Variants in STAM observed in about 807,000 individuals in gnomAD.
STAM encodes signal transducing adapter molecule 1.
Under a neutral mutation model 63.4 loss-of-function variants are expected in STAM, and 16 were observed. The observed-to-expected ratio is 0.25, with a 90% CI of 0.17 to 0.38. STAM has a LOEUF of 0.38. Ranked by LOEUF, STAM falls within the 10% of genes least tolerant of loss-of-function variation. STAM has a pLI of 1.00. For missense variants in STAM, 636 were observed against 657.1 expected (o/e 0.97, Z 0.35); for synonymous variants, 238 against 223.9 (o/e 1.06, Z -0.56).
At chr10:17,651,866 C>T (rs148090755) in intron 1 of STAM, among the ~76,000 whole-genome samples, 27 of 152,306 alleles carry the variant, frequency 1.8e-4, no homozygotes, top group African/African-American at 5.8e-4. Flanking sequence ...AAATGTGATG[C>T]GAAGTCCTCC....
chr10:17,649,404 A>G (rs997158208), intron 1 of STAM, among the ~76,000 whole-genome samples: 3 of 151,918 alleles, frequency 2.0e-5, no homozygotes, highest in Non-Finnish European at 4.4e-5. Context: ...AAAAAAAAAA[A>G]AAAAAGAATT....
At chr10:17,687,404 A>G (rs1835338149) in intron 4 of STAM, among the ~76,000 whole-genome samples, 1 of 150,480 alleles carries the variant, frequency 6.6e-6, no homozygotes, top group South Asian at 2.1e-4. Flanking sequence ...CGCATCCCCC[A>G]CCCCCCTCTG....
At position 17,714,822 on chromosome 10, in the gene STAM, A is replaced by G; in HGVS notation, c.*42A>G. ...TGGTGGCAGATACCTGCTAAATGCC[A>G]CTGACAATGTTATGAGATTCATTAC... On this transcript the variant is annotated 3_prime_UTR_variant, in exon 14 of 14. Coordinates refer to ENST00000377524, the MANE Select transcript of STAM (RefSeq NM_003473.4). The G allele has an allele frequency of 6.5e-7, 1 of 1,532,922 alleles. No homozygotes were observed. Among genetic ancestry groups the G allele is most frequent in the South Asian group, 1.1e-5 (1 of 89,316 alleles). The allele number at this position is 1,532,922 out of a possible 1,614,324, so 95.0% of individuals were successfully genotyped here. A position where few individuals can be genotyped will look rare whatever the true frequency, so the allele number is the denominator to read the frequency against.
At chr10:17,696,644 C>G (rs1480746378) in intron 7 of STAM, 131 bp from the exon 8 acceptor site, 2 of 589,892 alleles carry the variant, frequency 3.4e-6, no homozygotes, top group Non-Finnish European at 5.9e-6. Flanking sequence ...AAGGAAGATT[C>G]ATTGGCTTTT....
chr10:17,696,959 G>T (rs1835785950), intron 8 of STAM, 90 bp downstream of exon 8: 1 of 1,056,122 alleles, frequency 9.5e-7, no homozygotes, highest in Admixed American at 1.9e-5. Context: ...GAGCAGTGTT[G>T]CCCAGGCTGG....
At position 17,684,693 on chromosome 10, in the gene STAM, G is replaced by C. The variant is rs782035457; in HGVS notation, c.144G>C (p.Arg48=). Residue 48 remains arginine (R), a synonymous_variant, in exon 3 of 14, where the codon CGG becomes CGC. Transcript: ENST00000377524. The part of the protein sequence containing the change: ...QSRTGPKDCL[R]SIMRRVNHKD... The stretch of plus-strand genomic sequence containing the variant: ...TTTTTAGACCTAAGGATTGTCTTCG[G>C]TCTATTATGAGAAGAGTGAACCACA... 6.2e-6 allele frequency: 10 copies of C among 1,613,246 alleles called. No individual in the cohort carries two copies. The South Asian group carries it at 1.1e-4, about 18-fold the overall frequency.
At chr10:17,672,242 A>G (rs1468524342) in intron 2 of STAM, among the ~76,000 whole-genome samples, 1 of 152,254 alleles carries the variant, frequency 6.6e-6, no homozygotes, top group Non-Finnish European at 1.5e-5. Flanking sequence ...TATACCTATA[A>G]GTAGATAGAC....
intron 2 of STAM, among the ~76,000 whole-genome samples, chr10:17,679,882 A>G (rs1447627168): frequency 6.6e-6 from 1 of 151,332 alleles, no homozygotes; most frequent in Non-Finnish European, 1.5e-5. Flanking sequence ...AAAGTTGTTC[A>G]TAGGGTCTTT....
rs367611486 is a variant in STAM, at chr10:17,676,927, C to G, written c.126-7748C>G. 3.3e-5 allele frequency among the ~76,000 whole-genome samples: 5 copies of G among 151,898 alleles called. No homozygotes were observed. The East Asian group carries it at 9.7e-4, about 29-fold the overall frequency. On this transcript the variant is annotated intron_variant, in intron 2 of 13. Coordinates refer to ENST00000377524, the MANE Select transcript of STAM (RefSeq NM_003473.4). ...TATATATATAAAAGTTCAGTATTAC[C>G]TATCTGGTGGAAATACTAAAAACTG...
At chr10:17,687,768 A>G (rs1416474917) in intron 4 of STAM, among the ~76,000 whole-genome samples, 2 of 152,234 alleles carry the variant, frequency 1.3e-5, no homozygotes, top group Non-Finnish European at 2.9e-5. Context: ...GCTTCGTTGC[A>G]AAATATTCTG....
intron 1 of STAM, among the ~76,000 whole-genome samples, chr10:17,644,706 G>C (rs1374850109): frequency 6.6e-6 from 1 of 152,190 alleles, no homozygotes; most frequent in Non-Finnish European, 1.5e-5. Context: ...AACAGCGAAG[G>C]GCTTAAGGCG....
intron 2 of STAM, among the ~76,000 whole-genome samples, chr10:17,669,282 C>T (rs1045796882): frequency 8.0e-5 from 12 of 149,690 alleles, no homozygotes; most frequent in Non-Finnish European, 1.3e-4. Context: ...TGGTATGTGT[C>T]TAAACACATT....
intron 2 of STAM, chr10:17,672,866 A>G (rs1192218008): frequency 3.0e-5 from 5 of 167,942 alleles, no homozygotes; most frequent in African/African-American, 9.8e-5. Context: ...TTATCAAATG[A>G]TAAGTAGGTA....
At chr10:17,705,860 G>A in intron 12 of STAM, 119 bp downstream of exon 12, 2 of 891,342 alleles carry the variant, frequency 2.2e-6, no homozygotes, top group Non-Finnish European at 3.3e-6. Context: ...TTGAGACCAG[G>A]AGTTTAAGAC....
intron 2 of STAM, among the ~76,000 whole-genome samples, 183 bp from the exon 3 acceptor site, chr10:17,684,492 A>G (rs1835214905): frequency 6.6e-6 from 1 of 151,930 alleles, no homozygotes; most frequent in South Asian, 2.1e-4. Flanking sequence ...GAGCCTGTTA[A>G]TTTTGTTTGA....
chr10:17,667,882 T>G (rs1307836240), intron 2 of STAM, among the ~76,000 whole-genome samples: 1 of 152,234 alleles, frequency 6.6e-6, no homozygotes, highest in African/African-American at 2.4e-5. Context: ...ACTTGAAAGT[T>G]ACAGAGTAGC....
At chr10:17,710,520 A>G (rs2131700648) in intron 13 of STAM, among the ~76,000 whole-genome samples, 1 of 152,268 alleles carries the variant, frequency 6.6e-6, no homozygotes. Flanking sequence ...TCATTCCTGC[A>G]TATTCTTTAG....
chr10:17,713,629 G>A (rs1836662009), intron 13 of STAM, among the ~76,000 whole-genome samples: 1 of 151,936 alleles, frequency 6.6e-6, no homozygotes, highest in Non-Finnish European at 1.5e-5. Context: ...GGACTCTTCT[G>A]TTCATTATCA....
chr10:17,669,051 A>C (rs74228782), intron 2 of STAM, among the ~76,000 whole-genome samples: 2 of 152,190 alleles, frequency 1.3e-5, no homozygotes, highest in African/African-American at 4.8e-5. Flanking sequence ...CCACAGTCTC[A>C]GTATGGTTTT....
Sources: gnomAD v4.1 joint callset for allele counts (sites outside exome capture counted in the v4.1 genomes callset) on GRCh38, gnomAD v4.1.1 for gene constraint, MANE v1.5 for transcripts, NCBI Gene and HGNC (gene_info 2026-07-23, HGNC 2026-07-21) for gene names.